Variants in PCDHA9 observed in about 807,000 individuals in gnomAD.
The protein encoded by PCDHA9 is protocadherin alpha 9.
Under a neutral mutation model 62.0 loss-of-function variants are expected in PCDHA9, and 62 were observed. The observed-to-expected ratio is 1.00, with a 90% CI of 0.81 to 1.23. The LOEUF (loss-of-function observed/expected upper bound fraction) is 1.23, where lower values mean the gene tolerates loss of function less well. Ranked by LOEUF, PCDHA9 falls within the 50% of genes most tolerant of loss-of-function variation. The pLI, the probability that PCDHA9 is intolerant of heterozygous loss-of-function variation, is 0.00. For missense variants in PCDHA9, 1,205 were observed against 1,249.8 expected (o/e 0.96, Z 0.54); for synonymous variants, 557 against 567.6 (o/e 0.98, Z 0.27).
chr5:140,870,592 C>A (rs202164332), intron 1 of PCDHA9: 2 of 1,613,554 alleles, frequency 1.2e-6, no homozygotes, highest in African/African-American at 1.3e-5. Context: ...GGTGGAGCGG[C>A]GGTTGGGCGA....
At chr5:140,885,070 T>C (rs1253345040) in intron 1 of PCDHA9, among the ~76,000 whole-genome samples, 1 of 152,232 alleles carries the variant, frequency 6.6e-6, no homozygotes, top group African/African-American at 2.4e-5. Flanking sequence ...CAAGATATTA[T>C]TTTAAAGAGC....
At chr5:140,863,034 A>G (rs782534693) in intron 1 of PCDHA9, 1 of 557,696 alleles carries the variant, frequency 1.8e-6, no homozygotes, top group African/African-American at 1.9e-5. Context: ...CAACAGCTGC[A>G]TCTGTCAGCT....
intron 1 of PCDHA9, among the ~76,000 whole-genome samples, chr5:140,906,486 A>G (rs2072686991): frequency 6.6e-6 from 1 of 152,270 alleles, no homozygotes; most frequent in South Asian, 2.1e-4. Context: ...GTATAAATGC[A>G]CAAACATGTT....
chr5:140,881,596 T>G (rs1420240994), intron 1 of PCDHA9, among the ~76,000 whole-genome samples: 1 of 152,240 alleles, frequency 6.6e-6, no homozygotes, highest in African/African-American at 2.4e-5. Flanking sequence ...GGAAATTTAT[T>G]AATATGATGT....
In PCDHA9 at chr5:140,849,562, C is replaced by T; in HGVS notation, c.1067C>T (p.Ser356Leu). The T allele has an allele frequency of 1.3e-6, 2 of 1,598,556 alleles. No homozygotes were observed. Among genetic ancestry groups the T allele is most frequent in the Non-Finnish European group, 1.7e-6 (2 of 1,167,934 alleles). ...CCACAGTTGACTATCAAAACGCTCT[C>T]GGTTCCTGTAAAAGAGGACGCACAA... is the stretch of plus-strand genomic sequence containing the variant. ...NAPQLTIKTL[S>L]VPVKEDAQLG... The change falls in exon 1 of 4, where the codon TCG becomes TTG. Residue 356 changes from serine (S) to leucine (L), a missense_variant. Physicochemically the swap from Ser to Leu is moderately radical, Grantham distance 145 (BLOSUM62 -2). Around this residue, in one of 3 missense-constraint regions of PCDHA9, gnomAD observed 887 missense variants for 809.5 expected, o/e 1.10. Coordinates refer to ENST00000532602, the MANE Select transcript of PCDHA9 (RefSeq NM_031857.2).
chr5:140,877,063 C>T (rs782051698), intron 1 of PCDHA9: 21 of 1,612,898 alleles, frequency 1.3e-5, no homozygotes, highest in East Asian at 2.2e-5. Context: ...GCTGGAGCTG[C>T]TGCAGTTCCA....
intron 1 of PCDHA9, among the ~76,000 whole-genome samples, chr5:140,921,353 A>T (rs943655623): frequency 6.6e-6 from 1 of 152,160 alleles, no homozygotes; most frequent in Non-Finnish European, 1.5e-5. Context: ...ATATTTGCCT[A>T]TATTCAAGTT....
intron 1 of PCDHA9, among the ~76,000 whole-genome samples, chr5:140,941,077 G>C (rs2092726978): frequency 6.6e-6 from 1 of 152,068 alleles, no homozygotes; most frequent in South Asian, 2.1e-4. Context: ...CTGGAGAGTA[G>C]GTGGGTTTAG....
chr5:140,869,485 G>T (rs782005031), intron 1 of PCDHA9: 8 of 1,614,158 alleles, frequency 5.0e-6, no homozygotes, highest in Non-Finnish European at 6.8e-6. Flanking sequence ...GGACATTAAC[G>T]ACAACCCGCC....
chr5:140,957,446 C>T (rs1357499949), intron 1 of PCDHA9, among the ~76,000 whole-genome samples: 2 of 152,216 alleles, frequency 1.3e-5, no homozygotes, highest in East Asian at 1.9e-4. Context: ...TTATAAATCA[C>T]ACTTTATCAT....
At chr5:141,002,565 G>A (rs782803550) in intron 3 of PCDHA9, among the ~76,000 whole-genome samples, 9 of 152,196 alleles carry the variant, frequency 5.9e-5, no homozygotes, top group Non-Finnish European at 2.9e-5. Flanking sequence ...ACCAGTTAGT[G>A]ACCATGTGAC....
At chr5:140,864,310 A>G (rs2048415201) in intron 1 of PCDHA9, 1 of 152,166 alleles carries the variant, frequency 6.6e-6, no homozygotes, top group African/African-American at 2.4e-5. Flanking sequence ...TACCATGACA[A>G]TATTTAATAT....
chr5:140,863,149 G>T, intron 1 of PCDHA9: 1 of 617,002 alleles, frequency 1.6e-6, no homozygotes, highest in Non-Finnish European at 3.1e-6. Context: ...GCTGGTGAAG[G>T]ACCACTGCGA....
intron 1 of PCDHA9, chr5:140,927,510 G>A: frequency 1.9e-6 from 3 of 1,614,090 alleles, no homozygotes; most frequent in Non-Finnish European, 2.5e-6. Flanking sequence ...TTACAGCTCG[G>A]GACGGCGGGC....
chr5:140,911,445 A>C (rs1327839733), intron 1 of PCDHA9, among the ~76,000 whole-genome samples: 1 of 152,184 alleles, frequency 6.6e-6, no homozygotes, highest in Non-Finnish European at 1.5e-5. Context: ...CCGCAATTTC[A>C]GCTCTTTCTC....
At chr5:140,920,133 C>T (rs1463322279) in intron 1 of PCDHA9, among the ~76,000 whole-genome samples, 1 of 152,178 alleles carries the variant, frequency 6.6e-6, no homozygotes, top group African/African-American at 2.4e-5. Flanking sequence ...AGTTTTAATT[C>T]TCCTCTCCAA....
chr5:140,966,926 C>T (rs782811757), intron 1 of PCDHA9: 22 of 1,603,344 alleles, frequency 1.4e-5, no homozygotes, highest in Middle Eastern at 1.6e-4. Context: ...GGAGCAGGCA[C>T]CCGGCGCGCT....
chr5:140,882,404 G>T, intron 1 of PCDHA9: 1 of 1,614,152 alleles, frequency 6.2e-7, no homozygotes, highest in Non-Finnish European at 8.5e-7. Context: ...CACCTTCGTG[G>T]GCCGCATCGC....
intron 3 of PCDHA9, among the ~76,000 whole-genome samples, chr5:140,993,766 C>T (rs567978996): frequency 9.2e-5 from 14 of 152,082 alleles, no homozygotes; most frequent in African/African-American, 1.7e-4. Context: ...ATTACAATTG[C>T]GCAGTATTTT....
Sources: allele counts gnomAD v4.1 joint callset (sites outside exome capture counted in the v4.1 genomes callset), GRCh38; gene constraint gnomAD v4.1.1; regional missense constraint gnomAD v4.1.1; transcripts MANE v1.5; gene names NCBI Gene and HGNC (gene_info 2026-07-23, HGNC 2026-07-21).